KAZN: variants seen among roughly 807,000 people sequenced by gnomAD.
KAZN encodes the protein kazrin, periplakin interacting protein.
In KAZN, 40 loss-of-function variants were observed where a neutral mutation model predicts 87.4. The observed-to-expected ratio is 0.46, with a 90% CI of 0.36 to 0.60. The LOEUF (loss-of-function observed/expected upper bound fraction) is 0.60. Ranked by LOEUF, KAZN falls within the 20% of genes least tolerant of loss-of-function variation. The pLI, the probability that KAZN is intolerant of heterozygous loss-of-function variation, is 0.00. For synonymous variants in KAZN, 466 were observed against 458.3 expected (o/e 1.02, Z -0.22); for missense variants, 898 against 1,073.9 (o/e 0.84, Z 2.29).
At chr1:14,052,889 G>A (rs1301944501) in intron 1 of KAZN, among the ~76,000 whole-genome samples, 1 of 152,172 alleles carries the variant, frequency 6.6e-6, no homozygotes, top group Non-Finnish European at 1.5e-5. Context: ...GGCTGATGAG[G>A]CCCTCATTTT....
intron 1 of KAZN, among the ~76,000 whole-genome samples, chr1:13,945,284 G>T (rs2100980649): frequency 6.7e-6 from 1 of 149,062 alleles, no homozygotes; most frequent in South Asian, 2.2e-4. Context: ...GACCAGCCTG[G>T]CCAACATGGT....
intron 1 of KAZN, among the ~76,000 whole-genome samples, chr1:14,777,997 G>T (rs572024379): frequency 6.2e-4 from 94 of 152,224 alleles, no homozygotes; most frequent in Non-Finnish European, 9.6e-4. Context: ...GTTTTGGTGG[G>T]TTTTGGCCAG....
chr1:14,991,747 A>G (rs1001846025), intron 2 of KAZN, among the ~76,000 whole-genome samples: 1 of 152,178 alleles, frequency 6.6e-6, no homozygotes, highest in African/African-American at 2.4e-5. Context: ...CCATCCCTAG[A>G]GTCAGCCCTG....
intron 2 of KAZN, among the ~76,000 whole-genome samples, chr1:14,469,570 G>A (rs537267058): frequency 1.4e-4 from 21 of 152,290 alleles, no homozygotes; most frequent in South Asian, 4.1e-4. Context: ...AATATACAGC[G>A]TTGCCAGAGG....
chr1:14,910,988 C>T (rs1000059686), intron 1 of KAZN, among the ~76,000 whole-genome samples: 3 of 152,164 alleles, frequency 2.0e-5, no homozygotes, highest in Admixed American at 6.5e-5. Flanking sequence ...GCTTCCATCC[C>T]GGAGGCATGG....
At position 15,114,844 on chromosome 1, in the gene KAZN, G is replaced by A; in HGVS notation, c.*209G>A. 2.0e-6 allele frequency: 1 copy of A among 502,374 alleles called. No homozygotes were observed. The highest frequency in any genetic ancestry group is 3.2e-5 in the East Asian group (1 of 31,190). 31.1% of individuals were successfully genotyped at this position (502,374 alleles called of 1,614,324 possible). A position where few individuals can be genotyped will look rare whatever the true frequency, so the allele number is the denominator to read the frequency against. On this transcript the variant is annotated 3_prime_UTR_variant, in exon 15 of 15. Coordinates refer to ENST00000376030, the MANE Select transcript of KAZN (RefSeq NM_201628.3). ...GCCCACCTGTCTTGGGTGGGCCATGGACTTTCCTGTTCAGCTGGAGATGGG... is the reference window on the plus strand; with the variant it reads ...GCCCACCTGTCTTGGGTGGGCCATGAACTTTCCTGTTCAGCTGGAGATGGG...
At chr1:15,102,295 A>C (rs474160) in intron 11 of KAZN, among the ~76,000 whole-genome samples, 1 of 151,664 alleles carries the variant, frequency 6.6e-6, no homozygotes, top group South Asian at 2.1e-4. Flanking sequence ...GGGCTCAGGG[A>C]TGGCTCCTCA....
chr1:15,062,937 G>A (rs1638917866), intron 6 of KAZN: 1 of 152,522 alleles, frequency 6.6e-6, no homozygotes, highest in African/African-American at 2.4e-5. Flanking sequence ...CAAGTATGCA[G>A]TTACCCTGGA....
intron 2 of KAZN, among the ~76,000 whole-genome samples, chr1:14,403,754 T>C (rs746959985): frequency 3.9e-5 from 6 of 152,188 alleles, no homozygotes; most frequent in Non-Finnish European, 8.8e-5. Context: ...GTTTAAAACC[T>C]GACAGTATCA....
chr1:14,424,388 A>G (rs1367283447), intron 2 of KAZN, among the ~76,000 whole-genome samples: 2 of 152,202 alleles, frequency 1.3e-5, no homozygotes, highest in Non-Finnish European at 2.9e-5. Context: ...ACAGCAAGTA[A>G]CAGCACCAGG....
At chr1:14,125,039 G>A (rs1304011399) in intron 1 of KAZN, among the ~76,000 whole-genome samples, 1 of 152,178 alleles carries the variant, frequency 6.6e-6, no homozygotes, top group Non-Finnish European at 1.5e-5. Flanking sequence ...TCAGTAGCAA[G>A]ATCGGATCAT....
At chr1:14,383,903 G>A (rs1036205778) in intron 2 of KAZN, among the ~76,000 whole-genome samples, 15 of 151,898 alleles carry the variant, frequency 9.9e-5, no homozygotes, top group Non-Finnish European at 1.5e-4. Context: ...AATTACCTTG[G>A]GCAGTATGGC....
At chr1:14,301,049 G>A (rs1410437416) in intron 2 of KAZN, among the ~76,000 whole-genome samples, 1 of 152,172 alleles carries the variant, frequency 6.6e-6, no homozygotes, top group Non-Finnish European at 1.5e-5. Context: ...AAATCCACAT[G>A]TTGGAACAAT....
intron 1 of KAZN, among the ~76,000 whole-genome samples, chr1:13,910,881 T>C (rs1250464109): frequency 6.6e-6 from 1 of 151,434 alleles, no homozygotes; most frequent in African/African-American, 2.4e-5. Flanking sequence ...AGAAAAGGGG[T>C]TTTATTGGCT....
chr1:14,463,802 G>A (rs1003549523), intron 2 of KAZN, among the ~76,000 whole-genome samples: 1 of 152,146 alleles, frequency 6.6e-6, no homozygotes, highest in Non-Finnish European at 1.5e-5. Flanking sequence ...TTACTAGCAA[G>A]CAGAAATAAA....
intron 2 of KAZN, among the ~76,000 whole-genome samples, chr1:14,481,377 T>C (rs1669073660): frequency 6.6e-6 from 1 of 152,080 alleles, no homozygotes. Flanking sequence ...GTCTTCTTGT[T>C]GTTTAAGATT....
At chr1:14,739,183 AAAAC>A (rs1468839227) in intron 1 of KAZN, among the ~76,000 whole-genome samples, 1 of 152,192 alleles carries the variant, frequency 6.6e-6, no homozygotes, top group Non-Finnish European at 1.5e-5. Flanking sequence ...GTCTCAAAAC[AAAAC>A]AAACAAAACA....
intron 1 of KAZN, among the ~76,000 whole-genome samples, chr1:14,891,933 T>C (rs1654763295): frequency 6.6e-6 from 1 of 152,186 alleles, no homozygotes; most frequent in South Asian, 2.1e-4. Flanking sequence ...GCTCTGATTA[T>C]GTGAGGCTTC....
intron 5 of KAZN, among the ~76,000 whole-genome samples, chr1:15,057,272 G>A (rs1638376256): frequency 6.6e-6 from 1 of 152,240 alleles, no homozygotes; most frequent in African/African-American, 2.4e-5. Flanking sequence ...AGGGTCCTCA[G>A]TTTCCTCATG....
Sources: gnomAD v4.1 joint callset for allele counts (sites outside exome capture counted in the v4.1 genomes callset) on GRCh38, gnomAD v4.1.1 for gene constraint, MANE v1.5 for transcripts, NCBI Gene and HGNC (gene_info 2026-07-23, HGNC 2026-07-21) for gene names.